Variants in NTM observed in about 807,000 individuals in gnomAD.
The protein encoded by NTM is IgLON family member 2.
A neutral mutation model predicts 42.1 loss-of-function variants in NTM; 13 were observed. That is an observed-to-expected ratio of 0.31 (90% CI 0.20 to 0.49). NTM has a LOEUF of 0.49. NTM is among the 20% of genes least tolerant of loss of function. The pLI is 0.99. For synonymous variants in NTM, 187 were observed against 179.2 expected, an observed-to-expected ratio of 1.04 and a Z score of -0.35; for missense variants, 373 against 452.8, an observed-to-expected ratio of 0.82 and a Z score of 1.60.
At chr11:132,242,122 A>T (rs1287798336) in intron 4 of NTM, among the ~76,000 whole-genome samples, 1 of 152,236 alleles carries the variant, frequency 6.6e-6, no homozygotes, top group Non-Finnish European at 1.5e-5. Flanking sequence ...TAATCGGAAG[A>T]ATTCAAGAGC....
At chr11:132,127,760 C>T (rs2066096582) in intron 2 of NTM, among the ~76,000 whole-genome samples, 1 of 152,212 alleles carries the variant, frequency 6.6e-6, no homozygotes, top group South Asian at 2.1e-4. Flanking sequence ...AGTCTCCCTA[C>T]ATTCACAGCC....
chr11:132,317,635 G>A, intron 7 of NTM: 1 of 1,298,146 alleles, frequency 7.7e-7, no homozygotes, highest in Non-Finnish European at 1.0e-6. Flanking sequence ...TCTCTCCTGT[G>A]TGTCCCTCAA....
chr11:132,066,146 T>G (rs1345215232), intron 2 of NTM, among the ~76,000 whole-genome samples: 1 of 152,174 alleles, frequency 6.6e-6, no homozygotes, highest in African/African-American at 2.4e-5. Context: ...TCATCCCCCT[T>G]CCAACCCTTT....
intron 2 of NTM, among the ~76,000 whole-genome samples, chr11:132,145,304 G>A (rs2070138348): frequency 6.6e-6 from 1 of 152,204 alleles, no homozygotes. Flanking sequence ...AGCTGTAAAA[G>A]TGCTTTGTAC....
intron 1 of NTM, among the ~76,000 whole-genome samples, chr11:131,502,257 C>A (rs2046925310): frequency 6.6e-6 from 1 of 152,086 alleles, no homozygotes; most frequent in Non-Finnish European, 1.5e-5. Flanking sequence ...ATGATTGCTG[C>A]CCTTATGAAG....
At chr11:131,640,006 AAAAGTG>A in intron 1 of NTM, among the ~76,000 whole-genome samples, 1 of 150,066 alleles carries the variant, frequency 6.7e-6, no homozygotes, top group East Asian at 1.9e-4. Flanking sequence ...TAAATAAAAA[AAAAGTG>A]AATGGCCCAA....
At chr11:131,969,805 C>T (rs998027743) in intron 2 of NTM, among the ~76,000 whole-genome samples, 6 of 152,234 alleles carry the variant, frequency 3.9e-5, no homozygotes, top group East Asian at 1.9e-4. Flanking sequence ...AAAGAAAGAG[C>T]GATGATAAAT....
At chr11:131,802,416 T>C (rs116191028) in intron 1 of NTM, among the ~76,000 whole-genome samples, 5,091 of 152,348 alleles carry the variant, frequency 0.033, 308 homozygotes, top group African/African-American at 0.12. Context: ...CATAATTCCC[T>C]GCTATCGCCT....
chr11:132,279,592 C>T (rs1161840243), intron 4 of NTM, among the ~76,000 whole-genome samples: 1 of 152,222 alleles, frequency 6.6e-6, no homozygotes, highest in Non-Finnish European at 1.5e-5. Flanking sequence ...CTTCATGCCT[C>T]TGATTTTTTG....
chr11:131,727,390 A>T (rs1214561442), intron 1 of NTM, among the ~76,000 whole-genome samples: 1 of 152,226 alleles, frequency 6.6e-6, no homozygotes, highest in Non-Finnish European at 1.5e-5. Context: ...ATACCTTTTC[A>T]TCCCAACAGC....
At chr11:132,272,283 T>C (rs550551399) in intron 4 of NTM, among the ~76,000 whole-genome samples, 46 of 152,256 alleles carry the variant, frequency 3.0e-4, no homozygotes, top group African/African-American at 1.1e-3. Flanking sequence ...ACTGTAGCTT[T>C]ATAGTGATAT....
chr11:131,603,192 C>T (rs1438047444), intron 1 of NTM, among the ~76,000 whole-genome samples: 3 of 152,138 alleles, frequency 2.0e-5, no homozygotes, highest in Non-Finnish European at 4.4e-5. Context: ...CCCACTAACT[C>T]GGTGCCATTT....
intron 1 of NTM, among the ~76,000 whole-genome samples, chr11:131,864,000 G>C (rs2046890106): frequency 6.6e-6 from 1 of 151,952 alleles, no homozygotes; most frequent in Admixed American, 6.6e-5. Context: ...ATGGAGTGTT[G>C]GCAGAATAAG....
intron 2 of NTM, among the ~76,000 whole-genome samples, chr11:132,045,447 G>T (rs912512520): frequency 6.6e-6 from 1 of 152,136 alleles, no homozygotes; most frequent in East Asian, 1.9e-4. Flanking sequence ...TATTCTACAT[G>T]TAGAGATATC....
chr11:131,907,892 G>C (rs958803845), intron 1 of NTM, among the ~76,000 whole-genome samples: 1 of 152,202 alleles, frequency 6.6e-6, no homozygotes, highest in Non-Finnish European at 1.5e-5. Flanking sequence ...GAAGTGAGTT[G>C]ACATATGATT....
chr11:131,701,897 G>C (rs1422598787), intron 1 of NTM, among the ~76,000 whole-genome samples: 1 of 152,168 alleles, frequency 6.6e-6, no homozygotes, highest in Non-Finnish European at 1.5e-5. Context: ...GGTTTTAAAA[G>C]TATCAAGTAT....
At chr11:131,693,364 A>G (rs1303021156) in intron 1 of NTM, among the ~76,000 whole-genome samples, 5 of 152,222 alleles carry the variant, frequency 3.3e-5, no homozygotes, top group Admixed American at 1.3e-4. Context: ...GCCTGTCACC[A>G]TGACAGCCTG....
chr11:131,468,042 G>C (rs1952061742), intron 1 of NTM, among the ~76,000 whole-genome samples: 1 of 152,232 alleles, frequency 6.6e-6, no homozygotes, highest in Non-Finnish European at 1.5e-5. Context: ...AGAGTGCAGT[G>C]GGGGAAAGGG....
intron 1 of NTM, among the ~76,000 whole-genome samples, chr11:131,775,853 T>G (rs2086879044): frequency 6.6e-6 from 1 of 152,216 alleles, no homozygotes; most frequent in Non-Finnish European, 1.5e-5. Context: ...GAGATTAATG[T>G]GGAGCCGGTG....
Sources: allele counts gnomAD v4.1 joint callset (sites outside exome capture counted in the v4.1 genomes callset), GRCh38; gene constraint gnomAD v4.1.1; transcripts MANE v1.5; gene names NCBI Gene and HGNC (gene_info 2026-07-23, HGNC 2026-07-21).